Variants in CRLF2 observed in about 807,000 individuals in gnomAD.
CRLF2 encodes cytokine receptor like factor 2, also known as cytokine receptor-like factor 2.
In CRLF2, 41 loss-of-function variants were observed where a neutral mutation model predicts 38.7. The ratio of observed to expected loss-of-function variants is 1.06; its 90% CI spans 0.83 to 1.37. The LOEUF is 1.37. Among genes scored for constraint, CRLF2 ranks in the 40% most tolerant of loss-of-function variants. CRLF2 has a pLI of 0.00. For synonymous variants in CRLF2, 140 were observed against 128.8 expected, an observed-to-expected ratio of 1.09 and a Z score of -0.59; for missense variants, 377 against 322.2, an observed-to-expected ratio of 1.17 and a Z score of -1.30.
At chrX:1,211,404 A>G (rs867185888) in intron 1 of CRLF2, among the ~76,000 whole-genome samples, 8 of 64,878 alleles carry the variant, frequency 1.2e-4, no homozygotes, top group South Asian at 4.0e-4. Flanking sequence ...TGGATGGATA[A>G]GTGGATAAAA....
chrX:1,207,226 G>T (rs1205821137), intron 2 of CRLF2, among the ~76,000 whole-genome samples: 1 of 151,404 alleles, frequency 6.6e-6, no homozygotes, highest in Non-Finnish European at 1.5e-5. Flanking sequence ...GATTACAGGC[G>T]TGAGCCACCG....
rs2086825746 is a variant in CRLF2 at position 1,212,619 on chromosome X, G to C, written c.16C>G (p.Leu6Val). MGRLV[L>V]LWGAAVFLLG... is the part of the protein sequence containing the mutation. ...AGAAAGACGGCAGCTCCCCACAGCAGAACCAGCCGCCCCATGCCTGAAACA... is the reference window on the plus strand; with the variant it reads ...AGAAAGACGGCAGCTCCCCACAGCACAACCAGCCGCCCCATGCCTGAAACA... Residue 6 changes from leucine to valine, a missense_variant, in exon 1 of 8, where the codon CTG (leucine) becomes GTG (valine). Physicochemically the swap from Leu to Val is conservative, Grantham distance 32. Transcript: ENST00000400841. 1.9e-6 allele frequency: 3 copies of C among 1,612,420 alleles called. No individual in the cohort carries two copies. The highest frequency in any genetic ancestry group is 2.2e-5 in the South Asian group (2 of 91,034).
chrX:1,200,025 C>G (rs768736876), intron 4 of CRLF2, among the ~76,000 whole-genome samples: 1 of 134,470 alleles, frequency 7.4e-6, no homozygotes, highest in East Asian at 2.4e-4. Flanking sequence ...TATATAAGCT[C>G]TGTATATATG....
In CRLF2 at chrX:1,190,547, A is replaced by G; in HGVS notation, c.*350T>C. 1 of 296,862 alleles carries G rather than the reference A, an allele frequency of 3.4e-6. No homozygotes were observed. The highest frequency in any genetic ancestry group is 6.2e-6 in the Non-Finnish European group (1 of 161,224). 18.4% of individuals were successfully genotyped at this position (296,862 alleles called of 1,614,324 possible). A position where few individuals can be genotyped will look rare whatever the true frequency, so the allele number is the denominator to read the frequency against. On this transcript the variant is annotated 3_prime_UTR_variant, in exon 8 of 8. Coordinates refer to ENST00000400841, the MANE Select transcript of CRLF2 (RefSeq NM_022148.4). ...CCAATGCTATGGGAATGGTACATGGACGGAACTGGGGACTCACAGAGTGGG... is the reference window on the plus strand; with the variant it reads ...CCAATGCTATGGGAATGGTACATGGGCGGAACTGGGGACTCACAGAGTGGG...
intron 4 of CRLF2, 51 bp from the exon 5 acceptor site, chrX:1,198,775 A>T: frequency 1.4e-6 from 2 of 1,391,898 alleles, no homozygotes; most frequent in Non-Finnish European, 1.0e-6. Context: ...ACACACACAC[A>T]CACACACAAT....
intron 1 of CRLF2, among the ~76,000 whole-genome samples, chrX:1,209,291 G>T (rs1459119770): frequency 7.3e-6 from 1 of 136,524 alleles, no homozygotes; most frequent in Non-Finnish European, 1.6e-5. Context: ...GTATTGCATT[G>T]TATTGTAGTG....
At chrX:1,206,865 G>C (rs2086699993) in intron 2 of CRLF2, among the ~76,000 whole-genome samples, 2 of 150,954 alleles carry the variant, frequency 1.3e-5, no homozygotes, top group Admixed American at 6.6e-5. Flanking sequence ...GGCTGGTCTG[G>C]AACTCCTGAC....
intron 7 of CRLF2, among the ~76,000 whole-genome samples, chrX:1,192,917 G>A (rs1242519330): frequency 6.0e-5 from 9 of 150,424 alleles, no homozygotes; most frequent in East Asian, 2.0e-4. Context: ...CAGTTCAAGC[G>A]ATTCTCCTGC....
chrX:1,192,698 T>A (rs2086407856), intron 7 of CRLF2, among the ~76,000 whole-genome samples: 1 of 149,428 alleles, frequency 6.7e-6, no homozygotes, highest in Non-Finnish European at 1.5e-5. Flanking sequence ...TTTCTTTTTC[T>A]TTTCTTTTCT....
At chrX:1,198,459 C>G (rs1411478897) in intron 5 of CRLF2, 103 bp downstream of exon 5, 4 of 948,446 alleles carry the variant, frequency 4.2e-6, no homozygotes, top group Non-Finnish European at 6.3e-6. Flanking sequence ...CCTCCCACCT[C>G]GAAGGCAGGA....
At chrX:1,200,592 T>C (rs1475056352) in intron 4 of CRLF2, among the ~76,000 whole-genome samples, 556 of 52,018 alleles carry the variant, frequency 0.011, 16 homozygotes, top group African/African-American at 0.029. Flanking sequence ...TATATATGTG[T>C]GTATATAAGA....
At chrX:1,197,857 C>A (rs1328693884) in intron 5 of CRLF2, among the ~76,000 whole-genome samples, 1 of 151,360 alleles carries the variant, frequency 6.6e-6, no homozygotes, top group Non-Finnish European at 1.5e-5. Flanking sequence ...AAGATTTAAT[C>A]AGGTGTGGTG....
At chrX:1,197,164 C>G (rs1221048179) in intron 5 of CRLF2, among the ~76,000 whole-genome samples, 2 of 148,718 alleles carry the variant, frequency 1.3e-5, no homozygotes, top group Admixed American at 1.4e-4. Flanking sequence ...TCCATCTCAG[C>G]TCACTGCAAC....
At chrX:1,210,245 G>A (rs1337189589) in intron 1 of CRLF2, among the ~76,000 whole-genome samples, 3 of 152,106 alleles carry the variant, frequency 2.0e-5, no homozygotes, top group East Asian at 1.9e-4. Context: ...TTGTAATTCC[G>A]AACAGGGACA....
rs1441379684 is a variant in CRLF2 at position 1,208,796 on chromosome X, G to A, written c.182+10C>T. ...CTGGGCGTGGGGTTCGCTTTCTGGG[G>A]GCCACTTACCTGTAGTGGAAAGTCA... On this transcript the variant is annotated intron_variant, in intron 2 of 7. Coordinates refer to ENST00000400841, the MANE Select transcript of CRLF2 (RefSeq NM_022148.4). The A allele has an allele frequency of 1.9e-6, 3 of 1,545,986 alleles. No homozygotes were observed. Among genetic ancestry groups the A allele is most frequent in the East Asian group, 4.5e-5 (2 of 44,588 alleles).
intron 6 of CRLF2, among the ~76,000 whole-genome samples, chrX:1,195,843 T>A (rs1249892257): frequency 2.1e-5 from 3 of 141,360 alleles, no homozygotes; most frequent in Non-Finnish European, 4.6e-5. Context: ...AAATTATATA[T>A]TTATATATTT....
At chrX:1,192,988 A>G (rs1308728190) in intron 7 of CRLF2, among the ~76,000 whole-genome samples, 2 of 151,302 alleles carry the variant, frequency 1.3e-5, no homozygotes, top group African/African-American at 4.9e-5. Flanking sequence ...TAATCCTTGT[A>G]TTTTTAGTAG....
At chrX:1,192,576 A>AT (rs1186586081) in intron 7 of CRLF2, among the ~76,000 whole-genome samples, 7 of 151,202 alleles carry the variant, frequency 4.6e-5, no homozygotes, top group Non-Finnish European at 1.5e-5. Context: ...AGATCAAACC[A>AT]TTTTTCTTTC....
rs773757393 is a variant in CRLF2 at position 1,198,548 on chromosome X, G to A, written c.646+14C>T. 2.9e-5 allele frequency: 46 copies of A among 1,613,348 alleles called. No individual in the cohort carries two copies. Among genetic ancestry groups the A allele is most frequent in the African/African-American group, 9.3e-5 (7 of 74,954 alleles). ...TGACAAGGCTATGGGACACTGCCGC[G>A]TAACAAGCATTACCCCGAATCTCGC... On this transcript the variant is annotated intron_variant, in intron 5 of 7. Coordinates refer to ENST00000400841, the MANE Select transcript of CRLF2 (RefSeq NM_022148.4).
Sources: allele counts gnomAD v4.1 joint callset (sites outside exome capture counted in the v4.1 genomes callset), GRCh38; gene constraint gnomAD v4.1.1; transcripts MANE v1.5; gene names NCBI Gene and HGNC (gene_info 2026-07-23, HGNC 2026-07-21).